The following RBFOX1 variants were observed in gnomAD, a reference collection of about 807,000 sequenced individuals.
The protein encoded by RBFOX1 is RNA binding protein fox-1 homolog 1.
Under a neutral mutation model 57.7 loss-of-function variants are expected in RBFOX1, and 8 were observed. The observed-to-expected ratio is 0.14, with a 90% CI of 0.08 to 0.25. The LOEUF is 0.25. RBFOX1 is among the 10% of genes least tolerant of loss of function. RBFOX1 has a pLI of 1.00. For synonymous variants in RBFOX1, 326 were observed against 222.4 expected (o/e 1.47, Z -4.15); for missense variants, 611 against 548.5 (o/e 1.11, Z -1.14).
chr16:5,349,306 C>A (rs2065210382), intron 1 of RBFOX1, among the ~76,000 whole-genome samples: 1 of 152,170 alleles, frequency 6.6e-6, no homozygotes. Flanking sequence ...TACAAAGTTT[C>A]AGTTATGCAA....
At chr16:5,888,909 C>G (rs924767764) in intron 4 of RBFOX1, among the ~76,000 whole-genome samples, 1 of 151,422 alleles carries the variant, frequency 6.6e-6, no homozygotes, top group African/African-American at 2.4e-5. Context: ...GTGACTAGTT[C>G]AGCTTCATAA....
intron 3 of RBFOX1, among the ~76,000 whole-genome samples, chr16:5,760,273 G>A (rs2053546589): frequency 6.6e-6 from 1 of 151,894 alleles, no homozygotes; most frequent in African/African-American, 2.4e-5. Context: ...AGGCACTAGG[G>A]GTAAATTGGT....
intron 7 of RBFOX1, among the ~76,000 whole-genome samples, chr16:7,592,488 C>T (rs2152928773): frequency 6.6e-6 from 1 of 152,240 alleles, no homozygotes; most frequent in East Asian, 1.9e-4. Context: ...CTGTGTTCTT[C>T]CCAGTGCTGT....
chr16:5,343,917 T>C (rs560860628), intron 1 of RBFOX1, among the ~76,000 whole-genome samples: 3 of 152,330 alleles, frequency 2.0e-5, no homozygotes, highest in African/African-American at 4.8e-5. Flanking sequence ...CTGGTATAAA[T>C]GTGTGCTTGT....
intron 3 of RBFOX1, among the ~76,000 whole-genome samples, chr16:5,650,798 G>A (rs535108223): frequency 2.6e-5 from 4 of 152,102 alleles, no homozygotes; most frequent in African/African-American, 7.2e-5. Flanking sequence ...GTTAACAGAC[G>A]GACACAGTCT....
intron 1 of RBFOX1, among the ~76,000 whole-genome samples, chr16:6,128,536 A>T (rs1055294167): frequency 1.3e-5 from 2 of 152,222 alleles, no homozygotes; most frequent in Non-Finnish European, 2.9e-5. Flanking sequence ...GCTGCAAGGC[A>T]GGTAGTTGGT....
chr16:6,952,496 G>C (rs1339448222), intron 3 of RBFOX1, among the ~76,000 whole-genome samples: 1 of 151,710 alleles, frequency 6.6e-6, no homozygotes. Flanking sequence ...AAAATTAGCA[G>C]GTGTGGTCAT....
At chr16:6,443,566 T>C (rs745521203) in intron 2 of RBFOX1, among the ~76,000 whole-genome samples, 39 of 152,222 alleles carry the variant, frequency 2.6e-4, no homozygotes, top group Non-Finnish European at 4.0e-4. Flanking sequence ...CAGTGTGCTC[T>C]GTAACTTCTC....
At chr16:7,534,042 C>A (rs2080843738) in intron 5 of RBFOX1, among the ~76,000 whole-genome samples, 1 of 151,232 alleles carries the variant, frequency 6.6e-6, no homozygotes. Context: ...ACATGGAACT[C>A]AGATCCAGCC....
At chr16:6,070,059 A>T (rs2095817152) in intron 1 of RBFOX1, among the ~76,000 whole-genome samples, 1 of 152,196 alleles carries the variant, frequency 6.6e-6, no homozygotes. Flanking sequence ...CATAATTCAA[A>T]TTCCATAGAA....
intron 3 of RBFOX1, among the ~76,000 whole-genome samples, chr16:5,618,848 G>A (rs754664105): frequency 3.9e-5 from 6 of 152,160 alleles, no homozygotes; most frequent in African/African-American, 7.2e-5. Flanking sequence ...GCTGTGTCTG[G>A]ATACCAGTGG....
At chr16:6,216,630 GTAACTTTGATT>G (rs2097337597) in intron 1 of RBFOX1, among the ~76,000 whole-genome samples, 1 of 152,108 alleles carries the variant, frequency 6.6e-6, no homozygotes, top group Non-Finnish European at 1.5e-5. Context: ...CTGAAATGCT[GTAACTTTGATT>G]TGTATTTTCC....
At chr16:7,055,503 C>A (rs1346729626) in intron 4 of RBFOX1, among the ~76,000 whole-genome samples, 1 of 152,174 alleles carries the variant, frequency 6.6e-6, no homozygotes, top group African/African-American at 2.4e-5. Context: ...CCCCATATCA[C>A]GTTCTCACAG....
chr16:7,214,899 T>G (rs1199181163), intron 4 of RBFOX1, among the ~76,000 whole-genome samples: 1 of 152,158 alleles, frequency 6.6e-6, no homozygotes, highest in Admixed American at 6.5e-5. Context: ...TTCTTTTTAT[T>G]TTATTTTACT....
At chr16:7,165,645 T>C (rs1441623289) in intron 4 of RBFOX1, among the ~76,000 whole-genome samples, 2 of 151,822 alleles carry the variant, frequency 1.3e-5, no homozygotes, top group African/African-American at 4.8e-5. Context: ...GTCAGGCTGG[T>C]CTCAAACTCC....
intron 4 of RBFOX1, among the ~76,000 whole-genome samples, chr16:7,127,862 A>G (rs1399220319): frequency 6.6e-6 from 1 of 152,234 alleles, no homozygotes; most frequent in Non-Finnish European, 1.5e-5. Flanking sequence ...TAAGCAGCAT[A>G]TTAATCAGGC....
intron 2 of RBFOX1, among the ~76,000 whole-genome samples, chr16:6,557,476 T>A (rs376245641): frequency 1.3e-5 from 2 of 152,204 alleles, no homozygotes; most frequent in East Asian, 3.9e-4. Context: ...TCATCTGTCT[T>A]GTGATTTAAC....
chr16:6,310,806 C>T (rs944103755), intron 1 of RBFOX1, among the ~76,000 whole-genome samples: 1 of 151,446 alleles, frequency 6.6e-6, no homozygotes, highest in African/African-American at 2.4e-5. Context: ...TAACTGGATT[C>T]TAAGAGTGGG....
chr16:7,613,408 G>C (rs779486141), intron 10 of RBFOX1, among the ~76,000 whole-genome samples: 3 of 152,126 alleles, frequency 2.0e-5, no homozygotes, highest in Non-Finnish European at 4.4e-5. Context: ...CTGTAAAATA[G>C]AAATAGAAGA....
Sources: allele counts gnomAD v4.1 joint callset (sites outside exome capture counted in the v4.1 genomes callset), GRCh38; gene constraint gnomAD v4.1.1; transcripts MANE v1.5; gene names NCBI Gene and HGNC (gene_info 2026-07-23, HGNC 2026-07-21).